Variants in ANKMY1 observed in about 807,000 individuals in gnomAD.
The protein encoded by ANKMY1 is ankyrin repeat and MYND domain-containing protein 1.
Under a neutral mutation model 102.0 loss-of-function variants are expected in ANKMY1, and 98 were observed. The observed-to-expected ratio is 0.96, with a 90% CI of 0.82 to 1.14. The LOEUF (loss-of-function observed/expected upper bound fraction) is 1.14, where lower values mean the gene tolerates loss of function less well. ANKMY1 is among the 50% of genes most tolerant of loss of function. ANKMY1 has a pLI of 0.00. For synonymous variants in ANKMY1, 582 were observed against 559.9 expected (o/e 1.04, Z -0.56); for missense variants, 1,330 against 1,347.6 (o/e 0.99, Z 0.20).
At chr2:240,480,915 C>T in intron 17 of ANKMY1, 22 bp downstream of exon 17, 21 of 1,597,330 alleles carry the variant, frequency 1.3e-5, no homozygotes, top group Non-Finnish European at 1.8e-5. Context: ...ACCCTTGCCT[C>T]CCAGCCTGAG....
intron 15 of ANKMY1, 34 bp from the exon 16 acceptor site, chr2:240,482,295 G>A (rs368388634): frequency 6.9e-6 from 11 of 1,585,486 alleles, no homozygotes; most frequent in Non-Finnish European, 8.6e-6. Context: ...TAGTACCCAC[G>A]TGGCAGGGTG....
chr2:240,477,121 A>G (rs2074909213), downstream of ANKMY1, among the ~76,000 whole-genome samples: 1 of 152,182 alleles, frequency 6.6e-6, no homozygotes, highest in Non-Finnish European at 1.5e-5. Flanking sequence ...GTTTGAGACC[A>G]GCCTGCCCAA....
At chr2:240,526,637 G>T in intron 5 of ANKMY1, 192 bp from the exon 6 acceptor site, 2 of 1,439,304 alleles carry the variant, frequency 1.4e-6, no homozygotes, top group Non-Finnish European at 1.8e-6. Context: ...TGCACACGGT[G>T]GTGCAGACAT....
chr2:240,544,375 A>G (rs910567876), intron 4 of ANKMY1, among the ~76,000 whole-genome samples: 3 of 152,252 alleles, frequency 2.0e-5, no homozygotes, highest in Non-Finnish European at 2.9e-5. Context: ...CTTCATGCAC[A>G]TGCAGAGAAA....
In ANKMY1 at chr2:240,480,841, T is replaced by G. The variant is rs919043457; in HGVS notation, c.3046+96A>C. On this transcript the variant is annotated intron_variant, in intron 17 of 17. Transcript: ENST00000401804. Reference sequence around the variant, plus strand: ...AAGTGGCCTGAATCTGGAGAGATTTTGGGAAATGAGGGTGCCCCTCACCAG... The same window carrying G: ...AAGTGGCCTGAATCTGGAGAGATTTGGGGAAATGAGGGTGCCCCTCACCAG... 14 of 1,449,048 alleles carry G rather than the reference T, an allele frequency of 9.7e-6. No individual in the cohort carries two copies. In the South Asian group the frequency reaches 1.1e-4, roughly 12 times the overall value. The allele number at this position is 1,449,048 out of a possible 1,614,324, so 89.8% of individuals were successfully genotyped here.
chr2:240,520,864 G>A lies in ANKMY1; in HGVS notation c.1833-331C>T, dbSNP rs1017868624. Among the ~76,000 whole-genome samples, 8 of 148,672 alleles carry A rather than the reference G, an allele frequency of 5.4e-5. No homozygotes were observed. The East Asian group carries it at 6.0e-4, about 11-fold the overall frequency. ...CAGAGCGCACACACCATAGCACAGC[G>A]CACACCACACAGTACGCACACGGCA... On this transcript the variant is annotated intron_variant, in intron 8 of 17. Transcript: ENST00000401804. This position sits in a 1 kb window ranked among gnomAD's most constrained non-coding sequence, Gnocchi z 4.8.
chr2:240,535,757 T>A (rs1410852327), intron 4 of ANKMY1, among the ~76,000 whole-genome samples: 1 of 152,088 alleles, frequency 6.6e-6, no homozygotes, highest in Non-Finnish European at 1.5e-5. Flanking sequence ...GCAAGATTTT[T>A]AAAAAATCAG....
At chr2:240,496,515 C>T (rs1486632419) in intron 15 of ANKMY1, among the ~76,000 whole-genome samples, 1 of 152,078 alleles carries the variant, frequency 6.6e-6, no homozygotes, top group African/African-American at 2.4e-5. Context: ...GTTCATTTTC[C>T]TTCATTCTTC....
chr2:240,549,024 C>T (rs1463020259), intron 4 of ANKMY1, among the ~76,000 whole-genome samples: 1 of 151,886 alleles, frequency 6.6e-6, no homozygotes, highest in Non-Finnish European at 1.5e-5. Context: ...CTTTAAAGTT[C>T]ATATGGAATC....
chr2:240,474,299 G>A, the ANKMY1 span, among the ~76,000 whole-genome samples: 2 of 141,358 alleles, frequency 1.4e-5, no homozygotes, highest in East Asian at 2.0e-4. Context: ...TAGTAGAGAC[G>A]GGTTTCACTG....
In ANKMY1 at chr2:240,553,034, C is replaced by T; in HGVS notation, c.360G>A (p.Arg120=). The part of the protein sequence containing the change: ...TGESYHGQFY[R]DHCHGLGTYM... ...AGGTACCCAGGCCATGGCAGTGGTC[C>T]CGGTAAAACTGCCCATGGTATGACT... The change falls in exon 4 of 18, where the codon CGG becomes CGA. Residue 120 remains arginine, a synonymous_variant. Transcript: ENST00000401804. The T allele has an allele frequency of 6.2e-7, 1 of 1,613,916 alleles. No homozygotes were observed. The highest frequency in any genetic ancestry group is 8.5e-7 in the Non-Finnish European group (1 of 1,179,980).
upstream of ANKMY1, chr2:240,560,815 G>A (rs542332202): frequency 7.0e-7 from 1 of 1,436,110 alleles, no homozygotes; most frequent in African/African-American, 1.5e-5. Context: ...GCGCGCGCGG[G>A]AGTCACGCTG....
chr2:240,550,254 A>G (rs1443970399), intron 4 of ANKMY1, among the ~76,000 whole-genome samples: 1 of 151,730 alleles, frequency 6.6e-6, no homozygotes. Context: ...TCGGTAAACT[A>G]TCGCAAGAAC....
At position 240,554,563 on chromosome 2, in the gene ANKMY1, C is replaced by T. The variant is rs2092052671; in HGVS notation, c.336+303G>A. On this transcript the variant is annotated intron_variant, in intron 3 of 17. Coordinates refer to ENST00000401804, the MANE Select transcript of ANKMY1 (RefSeq NM_001282771.3). ...TAAGCCTAGACACAGGCAATTTCAC[C>T]AAGGTAAATATACGAGTTGCTATGG... The T allele has an allele frequency of 1.3e-5, 4 of 309,660 alleles. No homozygotes were observed. The Admixed American group carries it at 1.7e-4, about 13-fold the overall frequency. 19.2% of individuals were successfully genotyped at this position (309,660 alleles called of 1,614,324 possible).
intron 5 of ANKMY1, 114 bp from the exon 6 acceptor site, chr2:240,526,559 C>A (rs543266322): frequency 2.0e-6 from 3 of 1,516,988 alleles, no homozygotes; most frequent in South Asian, 2.5e-5. Flanking sequence ...CTCAGCCCCC[C>A]ACTGTTCACT....
At chr2:240,482,034 A>G in intron 16 of ANKMY1, 149 bp downstream of exon 16, 1 of 802,076 alleles carries the variant, frequency 1.2e-6, no homozygotes, top group East Asian at 2.8e-5. Flanking sequence ...CACAGCCTGC[A>G]AGCAGGACTT....
chr2:240,529,360 G>A lies in ANKMY1; in HGVS notation c.630C>T (p.Phe210=). The change falls in exon 5 of 18, where the codon TTC becomes TTT. Residue 210 remains phenylalanine, a synonymous_variant. Transcript: ENST00000401804. The surrounding 1 kb of genome is among the most constrained non-coding windows in gnomAD (Gnocchi z 4.2). ...SGFSLLRYPE[F]SSFITHSPAR... is the part of the protein sequence containing the mutation. ...CAGGGCTGTGGGTGATGAAGCTGGA[G>A]AACTCAGGGTATCTGAGGAGGGAGA... is the stretch of plus-strand genomic sequence containing the variant. 1 of 1,614,198 alleles carries A rather than the reference G, an allele frequency of 6.2e-7. No individual in the cohort carries two copies. The highest frequency in any genetic ancestry group is 8.5e-7 in the Non-Finnish European group (1 of 1,180,042).
rs781141352 is a variant in ANKMY1 at position 240,482,206 on chromosome 2, G to T, written c.2862C>A (p.Gly954=). 5.6e-6 allele frequency: 9 copies of T among 1,612,354 alleles called. No homozygotes were observed. Among genetic ancestry groups the T allele is most frequent in the Non-Finnish European group, 7.6e-6 (9 of 1,179,184 alleles). ...MKKKGPSLPR[G]LDVKEQGQIP... ...ACTGCCCCTGCTCCTTCACATCCAG[G>T]CCCCTGGGCAGGCTGGGGCCCTTCT... is the stretch of plus-strand genomic sequence containing the variant. Residue 954 remains glycine (G), a synonymous_variant, in exon 16 of 18, where the codon GGC becomes GGA. Transcript: ENST00000401804.
At position 240,524,381 on chromosome 2, in the gene ANKMY1, C is replaced by T; in HGVS notation, c.1336G>A (p.Glu446Lys). ...VAERTIPEPQ[E>K]PPKFPVVPIL... ...GGAACAACTGGGAATTTTGGAGGTT[C>T]CTTTGGAAAGAACCAAAAAAGTGTC... Residue 446 changes from glutamate (E) to lysine (K), a missense_variant and splice_region_variant, in exon 8 of 18, where the codon GAA becomes AAA. Glu to Lys is a moderately conservative substitution (Grantham distance 56). Transcript: ENST00000401804. The T allele has an allele frequency of 6.3e-7, 1 of 1,587,770 alleles. No homozygotes were observed. Among genetic ancestry groups the T allele is most frequent in the Non-Finnish European group, 8.6e-7 (1 of 1,165,998 alleles).
Sources: allele counts gnomAD v4.1 joint callset (sites outside exome capture counted in the v4.1 genomes callset), GRCh38; gene constraint gnomAD v4.1.1; non-coding constraint Gnocchi (gnomAD v3.1); transcripts MANE v1.5; gene names NCBI Gene and HGNC (gene_info 2026-07-23, HGNC 2026-07-21).